SLC7A11: variants seen among roughly 807,000 people sequenced by gnomAD.
The protein encoded by SLC7A11 is solute carrier family 7 member 11, also known as cystine/glutamate transporter.
In SLC7A11, 35 loss-of-function variants were observed where a neutral mutation model predicts 54.5. The ratio of observed to expected loss-of-function variants is 0.64; its 90% CI spans 0.49 to 0.85. The LOEUF is 0.85. SLC7A11 is among the 40% of genes least tolerant of loss of function. The pLI is 0.00. For synonymous variants in SLC7A11, 230 were observed against 225.2 expected (o/e 1.02, Z -0.19); for missense variants, 583 against 618.1 (o/e 0.94, Z 0.60).
At chr4:138,221,502 T>C (rs1488263457) in intron 4 of SLC7A11, among the ~76,000 whole-genome samples, 1 of 152,186 alleles carries the variant, frequency 6.6e-6, no homozygotes, top group Non-Finnish European at 1.5e-5. Context: ...CTGCTAATAA[T>C]GGTCTCTAAA....
intron 3 of SLC7A11, 121 bp from the exon 4 acceptor site, chr4:138,223,445 T>C: frequency 9.7e-7 from 1 of 1,026,780 alleles, no homozygotes; most frequent in Non-Finnish European, 1.4e-6. Flanking sequence ...TAGAAGTGTT[T>C]TAGAAATGCA....
At chr4:138,191,071 G>A (rs1299545966) in intron 6 of SLC7A11, among the ~76,000 whole-genome samples, 2 of 152,024 alleles carry the variant, frequency 1.3e-5, no homozygotes, top group Non-Finnish European at 1.5e-5. Context: ...GGAAGGCATA[G>A]GTGGTCACTG....
chr4:138,212,738 T>C (rs1226965083), intron 6 of SLC7A11, among the ~76,000 whole-genome samples: 1 of 151,934 alleles, frequency 6.6e-6, no homozygotes, highest in Admixed American at 6.6e-5. Context: ...AGTATTACTA[T>C]ATATGTGTCA....
intron 4 of SLC7A11, among the ~76,000 whole-genome samples, chr4:138,219,572 C>T (rs1286314823): frequency 1.3e-5 from 2 of 152,086 alleles, no homozygotes; most frequent in Non-Finnish European, 2.9e-5. Context: ...TCATATTTCT[C>T]TTTTAATAAA....
At chr4:138,176,284 T>C (rs1736568929) in intron 11 of SLC7A11, 2 of 152,270 alleles carry the variant, frequency 1.3e-5, no homozygotes, top group South Asian at 2.1e-4. Context: ...AGAGTTACAA[T>C]GATCGCAGTT....
intron 3 of SLC7A11, among the ~76,000 whole-genome samples, chr4:138,226,494 T>C (rs543588516): frequency 6.6e-6 from 1 of 152,284 alleles, no homozygotes; most frequent in South Asian, 2.1e-4. Context: ...TACTCATTAT[T>C]TGGTACACTA....
At chr4:138,226,576 G>C (rs980215712) in intron 3 of SLC7A11, among the ~76,000 whole-genome samples, 1 of 151,782 alleles carries the variant, frequency 6.6e-6, no homozygotes, top group Non-Finnish European at 1.5e-5. Flanking sequence ...CCAGCGAGAG[G>C]TACAGTGAAG....
Position 138,180,707 on chromosome 4 carries a change from A to C in SLC7A11, c.1200T>G (p.Ile400Met). The C allele has an allele frequency of 6.2e-7, 1 of 1,613,072 alleles. No individual in the cohort carries two copies. ...AAATCAGCCCAGCAACTGCCAGCCC[A>C]ATAAAAAGCCACCTGGCAAAACTGA... The part of the protein sequence containing the change: ...NFLSFARWLF[I>M]GLAVAGLIYL... The change falls in exon 10 of 12, where the codon ATT (isoleucine) becomes ATG (methionine). Residue 400 changes from isoleucine to methionine, a missense_variant. By Grantham distance (10) the Ile-to-Met change is conservative (BLOSUM62 1). Transcript: ENST00000280612.
chr4:138,180,419 T>G (rs1736708042), intron 10 of SLC7A11, among the ~76,000 whole-genome samples: 1 of 152,068 alleles, frequency 6.6e-6, no homozygotes, highest in South Asian at 2.1e-4. Flanking sequence ...TTTCAAAAAT[T>G]TGACATACAA....
intron 6 of SLC7A11, among the ~76,000 whole-genome samples, chr4:138,198,420 A>C (rs554400199): frequency 2.6e-4 from 39 of 152,262 alleles, no homozygotes; most frequent in African/African-American, 9.1e-4. Context: ...ATGCTCCAAA[A>C]TGGTAACCAC....
chr4:138,225,197 C>G (rs1401542598), intron 3 of SLC7A11, among the ~76,000 whole-genome samples: 1 of 141,090 alleles, frequency 7.1e-6, no homozygotes, highest in African/African-American at 2.6e-5. Flanking sequence ...ATTGTACACC[C>G]TAAAATTACA....
intron 4 of SLC7A11, among the ~76,000 whole-genome samples, chr4:138,220,799 ACT>A (rs1039683595): frequency 1.3e-5 from 2 of 152,096 alleles, no homozygotes; most frequent in African/African-American, 4.8e-5. Flanking sequence ...TGTATGAGAC[ACT>A]CTCTCTTCCA....
intron 1 of SLC7A11, among the ~76,000 whole-genome samples, chr4:138,238,453 G>A (rs1738294190): frequency 6.6e-6 from 1 of 152,180 alleles, no homozygotes; most frequent in Admixed American, 6.5e-5. Context: ...GAATAAAAGT[G>A]TAGAAAAGTA....
In SLC7A11 at chr4:138,179,410, CAAA is replaced by C; in HGVS notation, c.1267-19_1267-17del. 1.2e-6 allele frequency: 2 copies of C among 1,606,190 alleles called. No homozygotes were observed. The highest frequency in any genetic ancestry group is 1.7e-6 in the Non-Finnish European group (2 of 1,176,348). ...ACAGTGGCACCTGGAACACAGAACA[CAAA>C]AAAGTCACTTCAAACATGTTCAAGC... On this transcript the variant is annotated splice_polypyrimidine_tract_variant and intron_variant, in intron 10 of 11. Coordinates refer to ENST00000280612, the MANE Select transcript of SLC7A11 (RefSeq NM_014331.4).
At chr4:138,230,384 A>G (rs1014545073) in intron 3 of SLC7A11, among the ~76,000 whole-genome samples, 1 of 150,276 alleles carries the variant, frequency 6.7e-6, no homozygotes, top group African/African-American at 2.4e-5. Flanking sequence ...AACAAACTGC[A>G]CATGTACCCC....
chr4:138,240,826 T>C (rs1302225462), intron 1 of SLC7A11, among the ~76,000 whole-genome samples: 1 of 152,238 alleles, frequency 6.6e-6, no homozygotes, highest in Admixed American at 6.5e-5. Flanking sequence ...TCAAATTTAA[T>C]GTTTGACAGT....
intron 6 of SLC7A11, among the ~76,000 whole-genome samples, chr4:138,193,394 A>C (rs1737058359): frequency 6.6e-6 from 1 of 152,132 alleles, no homozygotes; most frequent in Non-Finnish European, 1.5e-5. Context: ...ATTCTATCAA[A>C]GAAAGATGTG....
chr4:138,232,710 T>C (rs565757248), intron 2 of SLC7A11, among the ~76,000 whole-genome samples: 1 of 152,358 alleles, frequency 6.6e-6, no homozygotes, highest in East Asian at 1.9e-4. Flanking sequence ...CAGGAAGCCA[T>C]CTTCTTTCTC....
At position 138,171,713 on chromosome 4, in the gene SLC7A11, A is replaced by G; in HGVS notation, c.*243T>C. The G allele has an allele frequency of 4.6e-6, 2 of 431,750 alleles. No individual in the cohort carries two copies. The highest frequency in any genetic ancestry group is 9.7e-5 in the East Asian group (2 of 20,650). 26.7% of individuals were successfully genotyped at this position (431,750 alleles called of 1,614,324 possible). The stretch of plus-strand genomic sequence containing the variant: ...TTTCTCCTAACCCCAATAGGTAGGT[A>G]TCAGAGACTCAAGAATTGTGCGACT... On this transcript the variant is annotated 3_prime_UTR_variant, in exon 12 of 12. Transcript: ENST00000280612.
Sources: gnomAD v4.1 joint callset for allele counts (sites outside exome capture counted in the v4.1 genomes callset) on GRCh38, gnomAD v4.1.1 for gene constraint, MANE v1.5 for transcripts, NCBI Gene and HGNC (gene_info 2026-07-23, HGNC 2026-07-21) for gene names.